SUGCT: variants seen among roughly 807,000 people sequenced by gnomAD.
SUGCT encodes the protein succinyl-CoA:glutarate-CoA transferase.
A neutral mutation model predicts 55.0 loss-of-function variants in SUGCT; 41 were observed. The ratio of observed to expected loss-of-function variants is 0.74; its 90% confidence interval spans 0.58 to 0.97. SUGCT has a LOEUF of 0.97. SUGCT is among the 50% of genes least tolerant of loss of function. The pLI is 0.00. For synonymous variants in SUGCT, 187 were observed against 200.4 expected (o/e 0.93, Z 0.56); for missense variants, 568 against 547.8 (o/e 1.04, Z -0.37).
At chr7:40,716,680 A>G (rs1382853462) in intron 12 of SUGCT, among the ~76,000 whole-genome samples, 1 of 152,060 alleles carries the variant, frequency 6.6e-6, no homozygotes, top group Non-Finnish European at 1.5e-5. Context: ...AACTAAGGTA[A>G]GCGTTTATCA....
At chr7:40,621,948 G>A (rs1043112931) in intron 12 of SUGCT, among the ~76,000 whole-genome samples, 2 of 152,094 alleles carry the variant, frequency 1.3e-5, no homozygotes, top group Non-Finnish European at 2.9e-5. Context: ...TTTGTCACAG[G>A]CATTTGAGGC....
At chr7:40,901,092 A>G in the SUGCT span, among the ~76,000 whole-genome samples, 1 of 152,278 alleles carries the variant, frequency 6.6e-6, no homozygotes, top group East Asian at 1.9e-4. Flanking sequence ...TGTGATTCAT[A>G]CTATATTTGG....
chr7:40,175,392 G>A (rs1562815537), intron 1 of SUGCT, among the ~76,000 whole-genome samples: 1 of 152,012 alleles, frequency 6.6e-6, no homozygotes, highest in Non-Finnish European at 1.5e-5. Context: ...GCTGCTTTTT[G>A]TATTTTCAGT....
chr7:40,716,387 A>G (rs1410752951), intron 12 of SUGCT, among the ~76,000 whole-genome samples: 1 of 152,204 alleles, frequency 6.6e-6, no homozygotes, highest in Non-Finnish European at 1.5e-5. Flanking sequence ...AACCTGTACA[A>G]CTGTCATCTC....
At chr7:40,781,147 T>C (rs1789723479) in intron 13 of SUGCT, among the ~76,000 whole-genome samples, 1 of 152,152 alleles carries the variant, frequency 6.6e-6, no homozygotes, top group African/African-American at 2.4e-5. Context: ...TCGCTGCTTC[T>C]CCTTAGTTAT....
chr7:40,511,971 C>T (rs761890620), intron 12 of SUGCT, among the ~76,000 whole-genome samples: 1 of 152,098 alleles, frequency 6.6e-6, no homozygotes, highest in Non-Finnish European at 1.5e-5. Context: ...CAAATCAAAT[C>T]TATTCTCCAC....
intron 9 of SUGCT, among the ~76,000 whole-genome samples, chr7:40,391,550 T>C (rs1427308919): frequency 1.3e-5 from 2 of 152,094 alleles, no homozygotes; most frequent in African/African-American, 4.8e-5. Context: ...GCATCACTGG[T>C]CATCAGAGAA....
At chr7:40,729,271 G>C (rs1786769832) in intron 12 of SUGCT, among the ~76,000 whole-genome samples, 1 of 152,180 alleles carries the variant, frequency 6.6e-6, no homozygotes, top group Non-Finnish European at 1.5e-5. Flanking sequence ...TATGTATCAG[G>C]TACTGTGCTA....
intron 12 of SUGCT, among the ~76,000 whole-genome samples, chr7:40,568,870 C>T (rs556648382): frequency 2.6e-5 from 4 of 152,282 alleles, no homozygotes; most frequent in African/African-American, 9.6e-5. Context: ...AAGAGAGCAG[C>T]CTCCCTCTAA....
At chr7:40,174,111 T>G (rs992784818) in intron 1 of SUGCT, among the ~76,000 whole-genome samples, 18 of 151,964 alleles carry the variant, frequency 1.2e-4, no homozygotes, top group African/African-American at 4.4e-4. Context: ...CAACCTCTGC[T>G]TCCTGGGTTG....
At chr7:40,179,432 TACAGGCGTGCGTC>T (rs1785076397) in intron 1 of SUGCT, among the ~76,000 whole-genome samples, 1 of 152,088 alleles carries the variant, frequency 6.6e-6, no homozygotes, top group Non-Finnish European at 1.5e-5. Flanking sequence ...TAGCTGGGAT[TACAGGCGTGCGTC>T]ACCATACCTG....
chr7:40,204,337 C>G (rs1187503055), intron 6 of SUGCT, among the ~76,000 whole-genome samples: 4 of 142,604 alleles, frequency 2.8e-5, no homozygotes, highest in Non-Finnish European at 6.1e-5. Flanking sequence ...GAGTCTTGCT[C>G]TGTCACCCAG....
In SUGCT at chr7:40,276,817, G is replaced by GTGTGTGTC. The variant is rs776466354; in HGVS notation, c.720+2164_720+2165insGTGTCTGT. On this transcript the variant is annotated intron_variant, in intron 8 of 13. Coordinates refer to ENST00000335693, the MANE Select transcript of SUGCT (RefSeq NM_001193313.2). The stretch of plus-strand genomic sequence containing the variant: ...TGCATGTGTGTGTGTGTGTGTGTGT[G>GTGTGTGTC]TGTCTGTCTGTCTGTCTGTGTCTGT... Among the ~76,000 whole-genome samples, 1,127 of 150,552 alleles carry GTGTGTGTC rather than the reference G, an allele frequency of 7.5e-3. 3 individuals are homozygous for GTGTGTGTC. The highest frequency in any genetic ancestry group is 0.014 in the Middle Eastern group (4 of 292).
intron 9 of SUGCT, among the ~76,000 whole-genome samples, chr7:40,351,673 T>C (rs547340523): frequency 2.6e-5 from 4 of 152,322 alleles, no homozygotes; most frequent in Admixed American, 6.5e-5. Flanking sequence ...TTATAAGCAC[T>C]CTTCAATGAC....
chr7:40,273,053 T>G (rs1792203846), intron 7 of SUGCT, among the ~76,000 whole-genome samples: 1 of 152,180 alleles, frequency 6.6e-6, no homozygotes, highest in African/African-American at 2.4e-5. Flanking sequence ...AACTTTGAAC[T>G]TGTCTCTCAC....
chr7:40,457,342 G>A (rs924389832), intron 10 of SUGCT, among the ~76,000 whole-genome samples: 12 of 152,080 alleles, frequency 7.9e-5, no homozygotes, highest in Non-Finnish European at 1.8e-4. Context: ...TACTCAGGAG[G>A]CTGAGGCAGG....
At chr7:41,026,050 G>A in the SUGCT span, among the ~76,000 whole-genome samples, 1 of 152,182 alleles carries the variant, frequency 6.6e-6, no homozygotes, top group East Asian at 1.9e-4. Flanking sequence ...ACAGTCTCAC[G>A]GGGTGTGCAA....
chr7:40,294,129 G>A (rs923198905), intron 8 of SUGCT, among the ~76,000 whole-genome samples: 1 of 152,042 alleles, frequency 6.6e-6, no homozygotes, highest in Non-Finnish European at 1.5e-5. Flanking sequence ...TGTATTTTTA[G>A]TAGAGACGGG....
At chr7:40,946,106 G>GT in the SUGCT span, among the ~76,000 whole-genome samples, 14,912 of 146,190 alleles carry the variant, frequency 0.1, 974 homozygotes, top group African/African-American at 0.19. Flanking sequence ...TCACATACAA[G>GT]TTTTTTTTTT....
Sources: gnomAD v4.1 joint callset for allele counts (sites outside exome capture counted in the v4.1 genomes callset) on GRCh38, gnomAD v4.1.1 for gene constraint, MANE v1.5 for transcripts, NCBI Gene and HGNC (gene_info 2026-07-23, HGNC 2026-07-21) for gene names.